Variants in KSR1 observed in about 807,000 individuals in gnomAD.
KSR1 encodes kinase suppressor of ras 1.
Under a neutral mutation model 92.9 loss-of-function variants are expected in KSR1, and 35 were observed. That is an observed-to-expected ratio of 0.38 (90% CI 0.29 to 0.50). The LOEUF is 0.50. Among genes scored for constraint, KSR1 ranks in the 20% least tolerant of loss-of-function variants. KSR1 has a pLI of 0.94. For missense variants in KSR1, 972 were observed against 1,158.5 expected (o/e 0.84, Z 2.34); for synonymous variants, 467 against 472.6 (o/e 0.99, Z 0.15).
intron 5 of KSR1, among the ~76,000 whole-genome samples, chr17:27,586,161 A>C (rs2072959493): frequency 6.6e-6 from 1 of 152,184 alleles, no homozygotes; most frequent in Non-Finnish European, 1.5e-5. Flanking sequence ...AAAAGATGGG[A>C]GATGCAGAAG....
intron 9 of KSR1, among the ~76,000 whole-genome samples, chr17:27,596,962 C>G (rs113176213): frequency 1.7e-3 from 261 of 152,310 alleles, no homozygotes; most frequent in African/African-American, 5.5e-3. Context: ...TGATGAAAAA[C>G]TGCTGGGAAC....
At chr17:27,613,711 A>G (rs2073983512) in intron 18 of KSR1, among the ~76,000 whole-genome samples, 1 of 152,218 alleles carries the variant, frequency 6.6e-6, no homozygotes, top group Non-Finnish European at 1.5e-5. Context: ...AGTGGGCTCA[A>G]GATACAGGTT....
Position 27,581,943 on chromosome 17 carries a change from C to T in KSR1, c.521-703C>T, listed in dbSNP as rs568353391. On this transcript the variant is annotated intron_variant, in intron 3 of 20. Transcript: ENST00000644974. Reference sequence around the variant, plus strand: ...CTTCCTGGATCTTTTTTCACAAGCCCCAGAGCACTTTGCTGTTGGATGCTC... The same window carrying T: ...CTTCCTGGATCTTTTTTCACAAGCCTCAGAGCACTTTGCTGTTGGATGCTC... 9.9e-5 allele frequency among the ~76,000 whole-genome samples: 15 copies of T among 152,248 alleles called. No homozygotes were observed. In the South Asian group the frequency reaches 3.1e-3, roughly 32 times the overall value.
chr17:27,511,274 T>A (rs1213655626), intron 1 of KSR1, among the ~76,000 whole-genome samples: 2 of 152,178 alleles, frequency 1.3e-5, no homozygotes, highest in East Asian at 3.9e-4. Flanking sequence ...TGGACTGTCA[T>A]GACATCTCAG....
At chr17:27,555,742 A>G (rs1001911708) in intron 2 of KSR1, among the ~76,000 whole-genome samples, 1 of 152,206 alleles carries the variant, frequency 6.6e-6, no homozygotes, top group African/African-American at 2.4e-5. Flanking sequence ...CATTTTAATC[A>G]TTTCTAAGTT....
At chr17:27,617,523 T>A (rs1006699594) in intron 19 of KSR1, 95 bp downstream of exon 19, 9 of 1,437,832 alleles carry the variant, frequency 6.3e-6, no homozygotes, top group Non-Finnish European at 8.4e-6. Context: ...TGCCCAAGAC[T>A]TTGTTTTTTG....
At chr17:27,549,244 A>T (rs2071303207) in intron 1 of KSR1, among the ~76,000 whole-genome samples, 1 of 152,116 alleles carries the variant, frequency 6.6e-6, no homozygotes, top group African/African-American at 2.4e-5. Context: ...TTTTGGGGGG[A>T]CACTTGGAAG....
intron 2 of KSR1, among the ~76,000 whole-genome samples, chr17:27,570,427 G>A (rs1244948530): frequency 2.0e-5 from 3 of 152,202 alleles, no homozygotes; most frequent in African/African-American, 7.2e-5. Context: ...CGCAGGACAT[G>A]TGTAATAAAT....
intron 1 of KSR1, among the ~76,000 whole-genome samples, chr17:27,482,920 C>CTT (rs3049006): frequency 2.0e-5 from 3 of 152,084 alleles, no homozygotes; most frequent in African/African-American, 7.2e-5. Flanking sequence ...CTACATGTCT[C>CTT]GTGTTGGGGG....
intron 1 of KSR1, among the ~76,000 whole-genome samples, chr17:27,548,225 A>G (rs1043202456): frequency 1.1e-4 from 15 of 137,134 alleles, no homozygotes; most frequent in Admixed American, 2.2e-4. Context: ...GTGAGACCCC[A>G]TCTCAAAAAA....
chr17:27,598,410 G>A (rs1353711549), intron 10 of KSR1, among the ~76,000 whole-genome samples: 1 of 152,212 alleles, frequency 6.6e-6, no homozygotes, highest in Non-Finnish European at 1.5e-5. Flanking sequence ...GCCATACCCA[G>A]CCAGCAGGAG....
intron 14 of KSR1, 92 bp from the exon 15 acceptor site, chr17:27,607,822 G>C: frequency 1.1e-6 from 1 of 904,032 alleles, no homozygotes; most frequent in East Asian, 2.6e-5. Flanking sequence ...CTTGCAGGCA[G>C]ACGGGCACAG....
At chr17:27,491,515 T>G (rs1342462302) in intron 1 of KSR1, among the ~76,000 whole-genome samples, 2 of 152,088 alleles carry the variant, frequency 1.3e-5, no homozygotes, top group Non-Finnish European at 2.9e-5. Flanking sequence ...GCTCATTACT[T>G]TAGGAACCAG....
intron 1 of KSR1, among the ~76,000 whole-genome samples, chr17:27,499,459 G>A (rs778055458): frequency 3.3e-5 from 5 of 152,198 alleles, no homozygotes; most frequent in Admixed American, 6.5e-5. Flanking sequence ...TTAGGAAAAC[G>A]TGAATTCCAG....
At chr17:27,529,785 G>A (rs1037105376) in intron 1 of KSR1, among the ~76,000 whole-genome samples, 1 of 152,114 alleles carries the variant, frequency 6.6e-6, no homozygotes, top group African/African-American at 2.4e-5. Flanking sequence ...ACTCTTTCCC[G>A]ACACCCGTCT....
chr17:27,523,769 G>T (rs2070137148), intron 1 of KSR1, among the ~76,000 whole-genome samples: 2 of 152,298 alleles, frequency 1.3e-5, no homozygotes, highest in Non-Finnish European at 2.9e-5. Context: ...ATGGCTGCTG[G>T]AGGTCCAGCT....
At chr17:27,560,489 C>T (rs1449039090) in intron 2 of KSR1, 3 of 518,848 alleles carry the variant, frequency 5.8e-6, no homozygotes, top group African/African-American at 5.8e-5. Flanking sequence ...CCTGACTGGA[C>T]ATGTTTCTCT....
intron 17 of KSR1, chr17:27,611,276 G>T (rs574761035): frequency 3.5e-6 from 2 of 566,238 alleles, no homozygotes; most frequent in Non-Finnish European, 6.2e-6. Flanking sequence ...TCAAACCTGC[G>T]CTGTCTCAGA....
rs1306748269 is a variant in KSR1, at chr17:27,588,469, C to G, written c.986-6C>G. 3 of 1,574,936 alleles carry G rather than the reference C, an allele frequency of 1.9e-6. No homozygotes were observed. Among genetic ancestry groups the G allele is most frequent in the Non-Finnish European group, 2.6e-6 (3 of 1,160,430 alleles). ...CAGCCTGCCCATCCGGCCTCTTTCC[C>G]TGCAGATCTCTCGCATGGATCCCCA... On this transcript the variant is annotated splice_polypyrimidine_tract_variant and splice_region_variant and intron_variant, in intron 5 of 20. Transcript: ENST00000644974.
Sources: allele counts gnomAD v4.1 joint callset (sites outside exome capture counted in the v4.1 genomes callset), GRCh38; gene constraint gnomAD v4.1.1; transcripts MANE v1.5; gene names NCBI Gene and HGNC (gene_info 2026-07-23, HGNC 2026-07-21).